SMIM14: variants seen among roughly 807,000 people sequenced by gnomAD.
SMIM14 encodes the protein chromosome 4 open reading frame 34.
Under a neutral mutation model 12.6 loss-of-function variants are expected in SMIM14, and 5 were observed. That is an observed-to-expected ratio of 0.40 (90% CI 0.21 to 0.83). The LOEUF is 0.83. Among genes scored for constraint, SMIM14 ranks in the 40% least tolerant of loss-of-function variants. The pLI, the probability that SMIM14 is intolerant of heterozygous loss-of-function variation, is 0.37. For synonymous variants in SMIM14, 30 were observed against 40.1 expected (o/e 0.75, Z 0.95); for missense variants, 86 against 119.1 (o/e 0.72, Z 1.29).
At chr4:39,619,874 A>T (rs371074529) in intron 1 of SMIM14, among the ~76,000 whole-genome samples, 1,747 of 82,896 alleles carry the variant, frequency 0.021, 42 homozygotes, top group Non-Finnish European at 0.032. Context: ...ATATATATAT[A>T]TATTTTTTTT....
At position 39,622,966 on chromosome 4, in the gene SMIM14, G is replaced by A. The variant is rs576502775; in HGVS notation, c.-36+15773C>T. On this transcript the variant is annotated intron_variant, in intron 1 of 4. Coordinates refer to ENST00000295958, the MANE Select transcript of SMIM14 (RefSeq NM_174921.3). The stretch of plus-strand genomic sequence containing the variant: ...TAAATAAATCTTAAGAGATGGCAGG[G>A]GAACGGTTACAGATTAAAACAAAAT... Among the ~76,000 whole-genome samples, 8 of 152,162 alleles carry A rather than the reference G, an allele frequency of 5.3e-5. No individual in the cohort carries two copies. In the South Asian group the frequency reaches 1.7e-3, roughly 32 times the overall value.
At chr4:39,587,879 T>C (rs1578336312) in intron 2 of SMIM14, 1 of 152,290 alleles carries the variant, frequency 6.6e-6, no homozygotes, top group Non-Finnish European at 1.5e-5. Flanking sequence ...AAAGGTGTTA[T>C]GACTTCTTAC....
chr4:39,570,179 T>C (rs1396395046), intron 3 of SMIM14, among the ~76,000 whole-genome samples: 1 of 151,968 alleles, frequency 6.6e-6, no homozygotes, highest in Non-Finnish European at 1.5e-5. Flanking sequence ...TTTTCTTTGT[T>C]TTAGAGAGTC....
At chr4:39,620,837 G>A (rs1715459344) in intron 1 of SMIM14, among the ~76,000 whole-genome samples, 1 of 151,930 alleles carries the variant, frequency 6.6e-6, no homozygotes, top group East Asian at 1.9e-4. Flanking sequence ...TTTCAAAAAT[G>A]GTGTGCAAAC....
At chr4:39,634,756 A>G (rs1201086527) in intron 1 of SMIM14, among the ~76,000 whole-genome samples, 8 of 152,346 alleles carry the variant, frequency 5.3e-5, no homozygotes, top group East Asian at 1.9e-4. Context: ...AAAGTAGAAT[A>G]TAAGTGTACT....
chr4:39,601,880 A>T (rs1221762672), intron 2 of SMIM14, among the ~76,000 whole-genome samples: 1 of 150,930 alleles, frequency 6.6e-6, no homozygotes, highest in Non-Finnish European at 1.5e-5. Flanking sequence ...CCAGGAGTTC[A>T]AGGTTGCAAT....
rs1553867913 is a variant in SMIM14, at chr4:39,631,670, A to AAT, written c.-36+7068_-36+7069insAT. Among the ~76,000 whole-genome samples, 165 of 151,196 alleles carry AAT rather than the reference A, an allele frequency of 1.1e-3. 3 individuals are homozygous for AAT. Among genetic ancestry groups the AAT allele is most frequent in the South Asian group, 7.5e-3 (36 of 4,806 alleles). On this transcript the variant is annotated intron_variant, in intron 1 of 4. Transcript: ENST00000295958. ...CGAGACTCCGTCTCAAAAAAAAAAA[A>AAT]AAATAAATATGTTAAAAGATAAAAG...
At chr4:39,578,804 T>C (rs986182520) in intron 2 of SMIM14, among the ~76,000 whole-genome samples, 20 of 152,058 alleles carry the variant, frequency 1.3e-4, no homozygotes, top group Middle Eastern at 3.4e-3. Flanking sequence ...GAGACAAGCC[T>C]GGCCAAAATG....
intron 3 of SMIM14, among the ~76,000 whole-genome samples, chr4:39,566,728 G>T (rs956058497): frequency 6.6e-6 from 1 of 152,142 alleles, no homozygotes; most frequent in African/African-American, 2.4e-5. Flanking sequence ...CAGCACTTTG[G>T]GAGGCCATGG....
intron 2 of SMIM14, among the ~76,000 whole-genome samples, chr4:39,603,093 G>T (rs1351057197): frequency 6.6e-6 from 1 of 152,064 alleles, no homozygotes; most frequent in Non-Finnish European, 1.5e-5. Context: ...TCAGATTAGG[G>T]ATGTTAAACC....
At position 39,625,911 on chromosome 4, in the gene SMIM14, G is replaced by A. The variant is rs141234085; in HGVS notation, c.-36+12828C>T. Among the ~76,000 whole-genome samples, 179 of 152,332 alleles carry A rather than the reference G, an allele frequency of 1.2e-3. 3 individuals carry two copies. The East Asian group carries it at 0.03, about 26-fold the overall frequency. On this transcript the variant is annotated intron_variant, in intron 1 of 4. Transcript: ENST00000295958. ...TACGTCAGCATGGCCAGAGGCCACT[G>A]TATAGATCAGGTATAGATTAGTGCA... is the stretch of plus-strand genomic sequence containing the variant.
chr4:39,579,410 C>CAAAAAAAAAAAAAAAAAAAA (rs11300565), intron 2 of SMIM14, among the ~76,000 whole-genome samples: 1 of 102,232 alleles, frequency 9.8e-6, no homozygotes, highest in Non-Finnish European at 2.1e-5. Context: ...ACAGTGCCTC[C>CAAAAAAAAAAAAAAAAAAAA]AAAAAAAAAA....
At chr4:39,594,715 C>T (rs1307602146) in intron 2 of SMIM14, 5 of 147,454 alleles carry the variant, frequency 3.4e-5, no homozygotes, top group Non-Finnish European at 6.0e-5. Flanking sequence ...AAGAAAAAAA[C>T]AAACAACCCC....
At chr4:39,632,951 A>G (rs1482134852) in intron 1 of SMIM14, among the ~76,000 whole-genome samples, 2 of 150,598 alleles carry the variant, frequency 1.3e-5, no homozygotes, top group Non-Finnish European at 3.0e-5. Context: ...GCAAGTATGT[A>G]TATATATATA....
At chr4:39,585,444 G>T (rs1437126581) in intron 2 of SMIM14, among the ~76,000 whole-genome samples, 1 of 151,868 alleles carries the variant, frequency 6.6e-6, no homozygotes, top group African/African-American at 2.4e-5. Flanking sequence ...TTACAGGCGT[G>T]CGCCACCATG....
intron 1 of SMIM14, among the ~76,000 whole-genome samples, chr4:39,619,207 T>G (rs35772517): frequency 7.2e-6 from 1 of 139,828 alleles, no homozygotes; most frequent in Non-Finnish European, 1.5e-5. Flanking sequence ...ATTCTATATA[T>G]CAATAAATAT....
chr4:39,573,686 A>G lies in SMIM14; in HGVS notation c.76-1223T>C, dbSNP rs192416439. ...AAAGAGATTTTTCTTCTCATTGAAAATTAGAAGCAGATAAAGAAAAAAAAA... is the reference window on the plus strand; with the variant it reads ...AAAGAGATTTTTCTTCTCATTGAAAGTTAGAAGCAGATAAAGAAAAAAAAA... On this transcript the variant is annotated intron_variant, in intron 2 of 4. Transcript: ENST00000295958. 2.0e-5 allele frequency among the ~76,000 whole-genome samples: 3 copies of G among 152,320 alleles called. No homozygotes were observed. In the East Asian group the frequency reaches 5.8e-4, roughly 29 times the overall value.
chr4:39,630,426 C>T lies in SMIM14; in HGVS notation c.-36+8313G>A, dbSNP rs986601088. ...CTAATTAAAATAAAAATGAAAGAAGCGGACTATGGCTACTGCTCTCCAAAC... is the reference window on the plus strand; with the variant it reads ...CTAATTAAAATAAAAATGAAAGAAGTGGACTATGGCTACTGCTCTCCAAAC... On this transcript the variant is annotated intron_variant, in intron 1 of 4. Coordinates refer to ENST00000295958, the MANE Select transcript of SMIM14 (RefSeq NM_174921.3). 1.4e-4 allele frequency among the ~76,000 whole-genome samples: 21 copies of T among 152,192 alleles called. No homozygotes were observed. The East Asian group carries it at 3.1e-3, about 22-fold the overall frequency.
At chr4:39,606,860 T>G (rs1451931450) in intron 1 of SMIM14, among the ~76,000 whole-genome samples, 1 of 151,948 alleles carries the variant, frequency 6.6e-6, no homozygotes, top group African/African-American at 2.4e-5. Context: ...AGGAGAGACA[T>G]TAAAGATAGT....
Sources: allele counts gnomAD v4.1 joint callset (sites outside exome capture counted in the v4.1 genomes callset), GRCh38; gene constraint gnomAD v4.1.1; transcripts MANE v1.5; gene names NCBI Gene and HGNC (gene_info 2026-07-23, HGNC 2026-07-21).